The following FAT3 variants were observed in gnomAD, a reference collection of about 807,000 sequenced individuals.
FAT3 encodes protocadherin Fat 3.
FAT3 carries 95 observed loss-of-function variants against 310.2 expected under a neutral mutation model. The ratio of observed to expected loss-of-function variants is 0.31; its 90% CI spans 0.26 to 0.36. The LOEUF is 0.36. Among genes scored for constraint, FAT3 ranks in the 10% least tolerant of loss-of-function variants. FAT3 has a pLI of 1.00. For synonymous variants in FAT3, 2,314 were observed against 2,192.9 expected (o/e 1.06, Z -1.54); for missense variants, 5,408 against 5,715.6 (o/e 0.95, Z 1.74).
intron 3 of FAT3, among the ~76,000 whole-genome samples, chr11:92,634,697 T>A (rs1028980814): frequency 6.6e-6 from 1 of 152,184 alleles, no homozygotes; most frequent in African/African-American, 2.4e-5. Flanking sequence ...CAGGAACATA[T>A]GAGCATTGCT....
chr11:92,357,500 A>G (rs760640639), intron 2 of FAT3, among the ~76,000 whole-genome samples: 13 of 152,192 alleles, frequency 8.5e-5, no homozygotes, highest in Non-Finnish European at 1.6e-4. Context: ...TTATTGACTA[A>G]TGGTGCTGGT....
In FAT3 at chr11:92,443,002, A is replaced by T. The variant is rs577407479; in HGVS notation, c.3293-81632A>T. 9.2e-5 allele frequency among the ~76,000 whole-genome samples: 14 copies of T among 152,304 alleles called. No individual in the cohort carries two copies. In the South Asian group the frequency reaches 2.9e-3, roughly 32 times the overall value. On this transcript the variant is annotated intron_variant, in intron 2 of 27. Coordinates refer to ENST00000525166, the MANE Select transcript of FAT3 (RefSeq NM_001367949.2). ...ACAATTCGACACGATAAGCAAACAC[A>T]AGGGGTGGTTAATCTACCTGACAAA...
intron 2 of FAT3, among the ~76,000 whole-genome samples, chr11:92,399,587 G>A (rs953218869): frequency 6.6e-6 from 1 of 152,050 alleles, no homozygotes; most frequent in African/African-American, 2.4e-5. Context: ...TTCTTGACAC[G>A]CCCACAACTT....
intron 3 of FAT3, among the ~76,000 whole-genome samples, chr11:92,665,802 A>G (rs765167957): frequency 1.1e-4 from 16 of 152,176 alleles, no homozygotes; most frequent in Non-Finnish European, 1.9e-4. Flanking sequence ...ATGGTGTTAC[A>G]ATGACAGTGA....
At position 92,857,179 on chromosome 11, in the gene FAT3, G is replaced by A. The variant is rs764607765; in HGVS notation, c.11366-35G>A. 3 of 1,613,690 alleles carry A rather than the reference G, an allele frequency of 1.9e-6. 1 individual carries two copies. In the South Asian group the frequency reaches 3.3e-5, roughly 18 times the overall value. On this transcript the variant is annotated intron_variant, in intron 19 of 27. Transcript: ENST00000525166. ...CCTGGAGTGCAGGGTGAATCCCTTT[G>A]TGTACTGATCATGCATATTCCACCT...
At chr11:92,548,904 T>G (rs953420100) in intron 3 of FAT3, among the ~76,000 whole-genome samples, 4 of 152,346 alleles carry the variant, frequency 2.6e-5, no homozygotes, top group East Asian at 1.9e-4. Flanking sequence ...TGAGAGAAGT[T>G]GGCATTTGCA....
chr11:92,254,131 C>T (rs1865226834), intron 1 of FAT3, among the ~76,000 whole-genome samples: 2 of 152,282 alleles, frequency 1.3e-5, no homozygotes, highest in South Asian at 2.1e-4. Flanking sequence ...ATCATCCTCT[C>T]GTTCTTTCTC....
chr11:92,440,413 C>T (rs1565318619), intron 2 of FAT3, among the ~76,000 whole-genome samples: 1 of 152,172 alleles, frequency 6.6e-6, no homozygotes, highest in East Asian at 1.9e-4. Flanking sequence ...AAAGCCACTG[C>T]CTGTAACTCT....
intron 3 of FAT3, among the ~76,000 whole-genome samples, chr11:92,528,637 T>C (rs143364254): frequency 0.017 from 2,599 of 151,714 alleles, 77 homozygotes; most frequent in African/African-American, 0.058. Context: ...CCGCCCGCCT[T>C]GGCCTCCCAA....
chr11:92,266,506 A>G (rs1221458510), intron 1 of FAT3, among the ~76,000 whole-genome samples: 2 of 152,148 alleles, frequency 1.3e-5, no homozygotes, highest in African/African-American at 4.8e-5. Flanking sequence ...AGTGTAATCT[A>G]GGGTGTTTTC....
rs778647857 is a variant in FAT3, at chr11:92,353,247, G to C, written c.1135G>C (p.Glu379Gln). 1 of 1,613,764 alleles carries C rather than the reference G, an allele frequency of 6.2e-7. No individual in the cohort carries two copies. Among genetic ancestry groups the C allele is most frequent in the East Asian group, 2.2e-5 (1 of 44,862 alleles). ...CACTGTCCCCATTAGATTTGAAAAA[G>C]AAGTGTACGATGTGAGCATAAGTGA... ...RDTVPIRFEK[E>Q]VYDVSISEFS... The change falls in exon 2 of 28, where the codon GAA becomes CAA. Residue 379 changes from glutamate to glutamine, a missense_variant. Physicochemically the swap from Glu to Gln is conservative, Grantham distance 29. Around this residue, in one of 5 missense-constraint regions of FAT3, gnomAD observed 4,588 missense variants for 4,809.8 expected, o/e 0.95. Transcript: ENST00000525166.
intron 4 of FAT3, among the ~76,000 whole-genome samples, chr11:92,742,737 TCCCAGGCTCCAGAA>T (rs1945543294): frequency 6.6e-6 from 1 of 152,192 alleles, no homozygotes; most frequent in Non-Finnish European, 1.5e-5. Flanking sequence ...ATGTTGGACT[TCCCAGGCTCCAGAA>T]CTGTGAGCCA....
At chr11:92,319,821 C>G (rs114231547) in intron 1 of FAT3, among the ~76,000 whole-genome samples, 214 of 152,258 alleles carry the variant, frequency 1.4e-3, no homozygotes, top group African/African-American at 4.7e-3. Context: ...AAATGACATT[C>G]TGAGAATGCT....
intron 1 of FAT3, among the ~76,000 whole-genome samples, chr11:92,338,807 T>A (rs1948162182): frequency 6.6e-6 from 1 of 152,058 alleles, no homozygotes; most frequent in Non-Finnish European, 1.5e-5. Context: ...ATGCGAACAG[T>A]TCCTGGAGAA....
At chr11:92,380,696 C>A (rs1006829718) in intron 2 of FAT3, among the ~76,000 whole-genome samples, 2 of 152,128 alleles carry the variant, frequency 1.3e-5, no homozygotes, top group African/African-American at 4.8e-5. Context: ...AGCTAGAATT[C>A]TTTTATAGTT....
chr11:92,315,633 C>G (rs138348888), intron 1 of FAT3, among the ~76,000 whole-genome samples: 2,768 of 151,104 alleles, frequency 0.018, 98 homozygotes, highest in African/African-American at 0.064. Flanking sequence ...AAGTGATCCT[C>G]CCGCCTCAGC....
At chr11:92,642,726 A>G (rs148658245) in intron 3 of FAT3, among the ~76,000 whole-genome samples, 112 of 152,306 alleles carry the variant, frequency 7.4e-4, no homozygotes, top group African/African-American at 2.3e-3. Context: ...ACAGCAGACT[A>G]TGTCATGACT....
intron 3 of FAT3, among the ~76,000 whole-genome samples, chr11:92,542,831 T>A (rs187489602): frequency 2.0e-5 from 3 of 152,176 alleles, no homozygotes; most frequent in Non-Finnish European, 4.4e-5. Context: ...TGGATAGATA[T>A]CCAAGAGAAA....
chr11:92,736,063 T>C (rs1210500283), intron 4 of FAT3, among the ~76,000 whole-genome samples: 2 of 152,156 alleles, frequency 1.3e-5, no homozygotes, highest in Non-Finnish European at 2.9e-5. Context: ...TCTCTTACTC[T>C]CTACTGTTGT....
Sources: gnomAD v4.1 joint callset for allele counts (sites outside exome capture counted in the v4.1 genomes callset) on GRCh38, gnomAD v4.1.1 for gene constraint, gnomAD v4.1.1 regional missense constraint, MANE v1.5 for transcripts, NCBI Gene and HGNC (gene_info 2026-07-23, HGNC 2026-07-21) for gene names.